Variants in MAP3K7CL observed in about 807,000 individuals in gnomAD.
MAP3K7CL encodes MAP3K7 C-terminal-like protein.
In MAP3K7CL, 16 loss-of-function variants were observed where a neutral mutation model predicts 18.6. The observed-to-expected ratio is 0.86, with a 90% CI of 0.58 to 1.31. The LOEUF is 1.31. MAP3K7CL is among the 50% of genes most tolerant of loss of function. MAP3K7CL has a pLI of 0.00. For synonymous variants in MAP3K7CL, 65 were observed against 66.8 expected, an observed-to-expected ratio of 0.97 and a Z score of 0.13; for missense variants, 163 against 174.4, an observed-to-expected ratio of 0.93 and a Z score of 0.37.
intron 4 of MAP3K7CL, chr21:29,109,187 T>G (rs1402388306): frequency 6.5e-7 from 1 of 1,535,430 alleles, no homozygotes; most frequent in South Asian, 1.2e-5. Context: ...ACTGCAGGTA[T>G]GGACATAGGG....
At chr21:29,122,494 A>G (rs1344345570) in intron 4 of MAP3K7CL, among the ~76,000 whole-genome samples, 2 of 152,222 alleles carry the variant, frequency 1.3e-5, no homozygotes, top group Non-Finnish European at 2.9e-5. Context: ...TTTATTGCCA[A>G]TGAAACTGGC....
chr21:29,112,143 A>G lies in MAP3K7CL; in HGVS notation c.370+19562A>G, dbSNP rs538439595. On this transcript the variant is annotated intron_variant, in intron 4 of 6. Coordinates refer to the MAP3K7CL transcript ENST00000286791. ...GAAACCCCATCTCTACTAAAATACA[A>G]AAAAATTAGCCAGGTGTGGTGGCGT... 5.3e-5 allele frequency among the ~76,000 whole-genome samples: 8 copies of G among 152,054 alleles called. No individual in the cohort carries two copies. The East Asian group carries it at 1.4e-3, about 26-fold the overall frequency.
rs1333216491 is a variant in MAP3K7CL, at chr21:29,175,125, C to A, written c.*233C>A. 3 of 381,268 alleles carry A rather than the reference C, an allele frequency of 7.9e-6. No homozygotes were observed. In the South Asian group the frequency reaches 1.6e-4, roughly 20 times the overall value. The allele number at this position is 381,268 out of a possible 1,614,324, so 23.6% of individuals were successfully genotyped here. On this transcript the variant is annotated 3_prime_UTR_variant, in exon 5 of 5. Coordinates refer to ENST00000399928, the MANE Select transcript of MAP3K7CL (RefSeq NM_001286620.2). ...GTATATGTTTTTGGAGATCAGAATT[C>A]TTTTCCAAAGATATATGTTTTTTTC...
intron 3 of MAP3K7CL, among the ~76,000 whole-genome samples, chr21:29,155,985 C>T (rs1601254351): frequency 6.6e-6 from 1 of 152,228 alleles, no homozygotes; most frequent in Non-Finnish European, 1.5e-5. Context: ...AGAATTTGTG[C>T]TCTAGTACAT....
At chr21:29,159,617 C>T (rs767068912) in intron 3 of MAP3K7CL, among the ~76,000 whole-genome samples, 12 of 152,224 alleles carry the variant, frequency 7.9e-5, no homozygotes, top group African/African-American at 2.2e-4. Flanking sequence ...CCGGGGAGTA[C>T]GGTAGAATCC....
chr21:29,112,937 T>C (rs2086444833), intron 4 of MAP3K7CL, among the ~76,000 whole-genome samples: 1 of 151,956 alleles, frequency 6.6e-6, no homozygotes. Context: ...GCCTCCCGAG[T>C]TGCTGAGATT....
chr21:29,122,543 G>A (rs1412146790), intron 4 of MAP3K7CL, among the ~76,000 whole-genome samples: 2 of 152,188 alleles, frequency 1.3e-5, no homozygotes, highest in Non-Finnish European at 2.9e-5. Flanking sequence ...GATGGAGCGG[G>A]AACGTGGTCT....
chr21:29,077,212 G>A (rs971960616), upstream of MAP3K7CL, among the ~76,000 whole-genome samples: 1 of 152,266 alleles, frequency 6.6e-6, no homozygotes, highest in Non-Finnish European at 1.5e-5. Flanking sequence ...TCAGCCCTTG[G>A]GTGGTTGATG....
At chr21:29,117,745 T>C (rs2086526167) in intron 4 of MAP3K7CL, among the ~76,000 whole-genome samples, 1 of 152,238 alleles carries the variant, frequency 6.6e-6, no homozygotes, top group Admixed American at 6.5e-5. Flanking sequence ...CTCTTTCTTG[T>C]CACTTTTTTG....
intron 3 of MAP3K7CL, chr21:29,092,107 T>C: frequency 2.7e-6 from 1 of 367,408 alleles, no homozygotes. Context: ...AAATTTAAGA[T>C]GTTGGTAAAG....
chr21:29,089,358 C>T lies in MAP3K7CL; in HGVS notation c.58-2143C>T, dbSNP rs1333244431. On this transcript the variant is annotated intron_variant, in intron 1 of 6. Coordinates refer to the MAP3K7CL transcript ENST00000286791. Reference sequence around the variant, plus strand: ...ACATTTGTCTTTTTCCATAAAAATACTGTTATATATTAGTGTTTGATAAAG... The same window carrying T: ...ACATTTGTCTTTTTCCATAAAAATATTGTTATATATTAGTGTTTGATAAAG... Among the ~76,000 whole-genome samples the T allele has an allele frequency of 2.6e-5, 4 of 151,996 alleles. No individual in the cohort carries two copies. In the East Asian group the frequency reaches 7.7e-4, roughly 29 times the overall value.
upstream of MAP3K7CL, among the ~76,000 whole-genome samples, chr21:29,081,239 G>A (rs944970430): frequency 2.6e-5 from 4 of 152,198 alleles, no homozygotes; most frequent in Non-Finnish European, 4.4e-5. Flanking sequence ...CCTGGAGGAG[G>A]TTTTCTGCTA....
At chr21:29,090,788 C>G (rs2086013181) in intron 1 of MAP3K7CL, among the ~76,000 whole-genome samples, 1 of 151,800 alleles carries the variant, frequency 6.6e-6, no homozygotes, top group Non-Finnish European at 1.5e-5. Flanking sequence ...TGCTGCATCC[C>G]CGGGACTTCG....
chr21:29,115,075 C>T (rs1001217669), intron 4 of MAP3K7CL, among the ~76,000 whole-genome samples: 1 of 152,162 alleles, frequency 6.6e-6, no homozygotes, highest in Admixed American at 6.5e-5. Flanking sequence ...GCTGTTTTCA[C>T]GTCTATATAA....
intron 3 of MAP3K7CL, among the ~76,000 whole-genome samples, chr21:29,150,477 G>A (rs1439505970): frequency 6.6e-6 from 1 of 152,160 alleles, no homozygotes; most frequent in African/African-American, 2.4e-5. Flanking sequence ...CCAACAGAAA[G>A]CTGCTCAACA....
chr21:29,086,790 A>G lies in MAP3K7CL; in HGVS notation c.57+873A>G, dbSNP rs143881046. The stretch of plus-strand genomic sequence containing the variant: ...TTGACCCTGAGTTTTAAAGTAATAA[A>G]TATTTTGGACTTCACATATTGTATG... On this transcript the variant is annotated intron_variant, in intron 1 of 6. Coordinates refer to the MAP3K7CL transcript ENST00000286791. 6.0e-4 allele frequency among the ~76,000 whole-genome samples: 91 copies of G among 152,332 alleles called. 1 individual carries two copies. The highest frequency in any genetic ancestry group is 3.4e-3 in the Middle Eastern group (1 of 294).
rs757644505 is a variant in MAP3K7CL at position 29,174,807 on chromosome 21, G to A, written c.344G>A (p.Arg115Gln). 92 of 1,614,002 alleles carry A rather than the reference G, an allele frequency of 5.7e-5. No homozygotes were observed. The highest frequency in any genetic ancestry group is 7.2e-5 in the Non-Finnish European group (85 of 1,180,018). ...TTCGAGGCTCTGACGGAGGAGAATC[G>A]GACGTTGAGGTTGGCCCAGTCTCAA... ...REFEALTEEN[R>Q]TLRLAQSQCV... The change falls in exon 5 of 5, where the codon CGG becomes CAG. Residue 115 changes from arginine (R) to glutamine (Q), a missense_variant. Transcript: ENST00000399928.
At chr21:29,135,077 C>G (rs1159343028) in intron 2 of MAP3K7CL, among the ~76,000 whole-genome samples, 3 of 147,576 alleles carry the variant, frequency 2.0e-5, no homozygotes, top group African/African-American at 7.4e-5. Context: ...AAACAAAAAA[C>G]AAACCATGCA....
At chr21:29,148,463 A>G (rs1018013973) in intron 2 of MAP3K7CL, among the ~76,000 whole-genome samples, 1 of 152,186 alleles carries the variant, frequency 6.6e-6, no homozygotes, top group African/African-American at 2.4e-5. Context: ...TATTTTGGTC[A>G]GGTTTCCTCA....
Sources: gnomAD v4.1 joint callset for allele counts (sites outside exome capture counted in the v4.1 genomes callset) on GRCh38, gnomAD v4.1.1 for gene constraint, MANE v1.5 for transcripts, NCBI Gene and HGNC (gene_info 2026-07-23, HGNC 2026-07-21) for gene names.